Variants in CPNE4 observed in about 807,000 individuals in gnomAD.
The protein encoded by CPNE4 is copine-4.
A neutral mutation model predicts 67.9 loss-of-function variants in CPNE4; 25 were observed. The observed-to-expected ratio is 0.37, with a 90% confidence interval of 0.27 to 0.51. The LOEUF is 0.51. Ranked by LOEUF, CPNE4 falls within the 20% of genes least tolerant of loss-of-function variation. CPNE4 has a pLI of 0.93. For missense variants in CPNE4, 464 were observed against 690.8 expected, an observed-to-expected ratio of 0.67 and a Z score of 3.68; for synonymous variants, 242 against 244.9, an observed-to-expected ratio of 0.99 and a Z score of 0.11.
At chr3:131,802,964 G>T (rs1442965610) in intron 2 of CPNE4, among the ~76,000 whole-genome samples, 1 of 152,124 alleles carries the variant, frequency 6.6e-6, no homozygotes, top group African/African-American at 2.4e-5. Flanking sequence ...TCTGGCCTCA[G>T]ATGGAAAACC....
intron 8 of CPNE4, among the ~76,000 whole-genome samples, chr3:131,583,477 A>G (rs919729973): frequency 1.3e-5 from 2 of 152,172 alleles, no homozygotes; most frequent in African/African-American, 2.4e-5. Flanking sequence ...TAGCTGTGCC[A>G]TTTTTTGTCA....
intron 2 of CPNE4, among the ~76,000 whole-genome samples, chr3:131,813,983 A>T (rs1465561663): frequency 6.6e-6 from 1 of 152,202 alleles, no homozygotes; most frequent in Non-Finnish European, 1.5e-5. Context: ...TCTGACTGAC[A>T]CACGGCAAGG....
chr3:131,540,374 C>T (rs570509470), intron 15 of CPNE4, among the ~76,000 whole-genome samples: 1 of 152,328 alleles, frequency 6.6e-6, no homozygotes, highest in Admixed American at 6.5e-5. Flanking sequence ...TCATGAAATA[C>T]AGAGTTCAGC....
intron 7 of CPNE4, among the ~76,000 whole-genome samples, chr3:131,647,778 C>T (rs1374662241): frequency 6.6e-6 from 1 of 152,154 alleles, no homozygotes; most frequent in Non-Finnish European, 1.5e-5. Flanking sequence ...TGATTCTCTA[C>T]TTTCCCTTTT....
intron 2 of CPNE4, among the ~76,000 whole-genome samples, chr3:131,782,238 T>C (rs188565935): frequency 2.0e-5 from 3 of 152,162 alleles, no homozygotes; most frequent in Admixed American, 6.6e-5. Context: ...GTTTCTAAAA[T>C]TCAAAATAAA....
intron 9 of CPNE4, among the ~76,000 whole-genome samples, chr3:131,578,482 T>C (rs976305457): frequency 2.6e-5 from 4 of 152,200 alleles, no homozygotes; most frequent in Non-Finnish European, 5.9e-5. Context: ...CCTCTAAGTG[T>C]TCAAGTGAAA....
intron 2 of CPNE4, among the ~76,000 whole-genome samples, chr3:131,828,832 C>T (rs1422047603): frequency 6.6e-6 from 1 of 152,010 alleles, no homozygotes; most frequent in Non-Finnish European, 1.5e-5. Flanking sequence ...AGACCTGACT[C>T]TAAAAACAAA....
At chr3:131,717,568 C>A (rs1032456614) in intron 3 of CPNE4, among the ~76,000 whole-genome samples, 16 of 152,290 alleles carry the variant, frequency 1.1e-4, no homozygotes, top group Middle Eastern at 3.4e-3. Context: ...ATATTCCTCA[C>A]CCCCATCCTG....
chr3:132,032,198 T>C (rs2074250667), intron 1 of CPNE4, among the ~76,000 whole-genome samples: 1 of 152,190 alleles, frequency 6.6e-6, no homozygotes, highest in South Asian at 2.1e-4. Flanking sequence ...CAAAGAAATA[T>C]TTAGGAATTT....
chr3:131,644,973 A>G (rs1439241728), intron 7 of CPNE4, among the ~76,000 whole-genome samples: 1 of 152,224 alleles, frequency 6.6e-6, no homozygotes, highest in Non-Finnish European at 1.5e-5. Context: ...ATGTCACACA[A>G]GCAAAAAGCT....
chr3:131,728,783 G>C (rs1394993078), intron 2 of CPNE4, among the ~76,000 whole-genome samples: 1 of 151,486 alleles, frequency 6.6e-6, no homozygotes, highest in East Asian at 1.9e-4. Flanking sequence ...GGTGGCAGGC[G>C]CCTGTAGTCC....
chr3:131,645,165 A>G (rs2079634508), intron 7 of CPNE4, among the ~76,000 whole-genome samples: 1 of 152,238 alleles, frequency 6.6e-6, no homozygotes, highest in African/African-American at 2.4e-5. Flanking sequence ...TGATGTCCAG[A>G]CTAACATCGT....
At chr3:131,849,427 G>A (rs1198296284) in intron 2 of CPNE4, among the ~76,000 whole-genome samples, 15 of 152,070 alleles carry the variant, frequency 9.9e-5, no homozygotes. Context: ...GTTTTACATG[G>A]CCAGACGGGA....
intron 10 of CPNE4, among the ~76,000 whole-genome samples, chr3:131,565,027 A>G (rs1276892735): frequency 6.6e-6 from 1 of 152,030 alleles, no homozygotes; most frequent in Non-Finnish European, 1.5e-5. Flanking sequence ...TTATGCTTCA[A>G]CTTCTCAAAT....
intron 9 of CPNE4, among the ~76,000 whole-genome samples, chr3:131,577,249 G>A (rs202245832): frequency 6.6e-6 from 1 of 152,102 alleles, no homozygotes; most frequent in East Asian, 1.9e-4. Context: ...CTTCTAATAT[G>A]TTAGGAAACA....
chr3:131,662,074 G>GA (rs549698688), intron 7 of CPNE4, among the ~76,000 whole-genome samples: 7 of 151,980 alleles, frequency 4.6e-5, no homozygotes, highest in South Asian at 2.1e-4. Flanking sequence ...AGGTTTGCTA[G>GA]AAAAAAATCA....
intron 6 of CPNE4, among the ~76,000 whole-genome samples, chr3:131,680,538 AGTT>A (rs1000750899): frequency 6.6e-6 from 1 of 152,096 alleles, no homozygotes; most frequent in Non-Finnish European, 1.5e-5. Flanking sequence ...TGTCTTGAAA[AGTT>A]GTTGTAGTTA....
intron 2 of CPNE4, among the ~76,000 whole-genome samples, chr3:131,865,372 G>C: frequency 6.6e-6 from 1 of 151,830 alleles, no homozygotes; most frequent in East Asian, 1.9e-4. Context: ...TCTTATATTT[G>C]TAATGCATAT....
intron 2 of CPNE4, among the ~76,000 whole-genome samples, chr3:131,726,004 T>C (rs944277247): frequency 1.3e-5 from 2 of 152,350 alleles, no homozygotes; most frequent in Middle Eastern, 3.4e-3. Context: ...TTTAATTATA[T>C]TTATATTGTA....
Sources: allele counts gnomAD v4.1 joint callset (sites outside exome capture counted in the v4.1 genomes callset), GRCh38; gene constraint gnomAD v4.1.1; transcripts MANE v1.5; gene names NCBI Gene and HGNC (gene_info 2026-07-23, HGNC 2026-07-21).